PSD2: variants seen among roughly 807,000 people sequenced by gnomAD.
PSD2 encodes PH and SEC7 domain-containing protein 2.
In PSD2, 38 loss-of-function variants were observed where a neutral mutation model predicts 69.8. The ratio of observed to expected loss-of-function variants is 0.54; its 90% CI spans 0.42 to 0.71. The LOEUF (loss-of-function observed/expected upper bound fraction) is 0.71, where lower values mean the gene tolerates loss of function less well. PSD2 is among the 30% of genes least tolerant of loss of function. The pLI, the probability that PSD2 is intolerant of heterozygous loss-of-function variation, is 0.00. For synonymous variants in PSD2, 412 were observed against 423.0 expected, an observed-to-expected ratio of 0.97 and a Z score of 0.32; for missense variants, 943 against 1,014.5, an observed-to-expected ratio of 0.93 and a Z score of 0.96.
At chr5:139,781,634 CTT>C in the PSD2 span, among the ~76,000 whole-genome samples, 1 of 143,682 alleles carries the variant, frequency 7.0e-6, no homozygotes. Context: ...GGCGCCTGGC[CTT>C]TTTTTTTTTT....
At chr5:139,746,424 C>CT in the PSD2 span, among the ~76,000 whole-genome samples, 1 of 152,184 alleles carries the variant, frequency 6.6e-6, no homozygotes, top group East Asian at 1.9e-4. The surrounding 1 kb of genome is among the most constrained non-coding windows in gnomAD (Gnocchi z 4.5). Context: ...GAAGGCGGGG[C>CT]TGGGGGGTCA....
the PSD2 span, among the ~76,000 whole-genome samples, chr5:139,756,615 C>G: frequency 6.6e-6 from 1 of 152,122 alleles, no homozygotes; most frequent in Admixed American, 6.5e-5. Flanking sequence ...GGCGAGGAGG[C>G]AGGACTCAGC....
chr5:139,835,583 C>A, intron 8 of PSD2, 140 bp from the exon 9 acceptor site: 1 of 806,450 alleles, frequency 1.2e-6, no homozygotes, highest in Non-Finnish European at 2.2e-6. Flanking sequence ...ACCCATCCAG[C>A]AAATAAGTAT....
the PSD2 span, among the ~76,000 whole-genome samples, chr5:139,777,246 A>G: frequency 3.3e-5 from 5 of 152,222 alleles, no homozygotes; most frequent in Admixed American, 6.5e-5. Context: ...TTTTCTCAAT[A>G]CACAAAAAAA....
At chr5:139,826,282 C>A (rs1420864806) in intron 7 of PSD2, among the ~76,000 whole-genome samples, 2 of 152,126 alleles carry the variant, frequency 1.3e-5, no homozygotes, top group East Asian at 1.9e-4. Context: ...TGCCTGGGGG[C>A]CTGACAGGAG....
chr5:139,840,247 G>C, intron 14 of PSD2, 77 bp downstream of exon 14: 1 of 1,525,534 alleles, frequency 6.6e-7, no homozygotes, highest in Non-Finnish European at 9.0e-7. Context: ...TGTGGGACTG[G>C]GGAGGTGAAG....
chr5:139,812,188 A>T (rs1759985185), intron 2 of PSD2, among the ~76,000 whole-genome samples: 1 of 152,122 alleles, frequency 6.6e-6, no homozygotes, highest in African/African-American at 2.4e-5. Context: ...AACAATAAAT[A>T]CTTATATAGT....
the PSD2 span, among the ~76,000 whole-genome samples, chr5:139,788,179 G>GC: frequency 0.023 from 2,865 of 125,190 alleles, 49 homozygotes; most frequent in Non-Finnish European, 0.028. Flanking sequence ...CCCCCCCCGC[G>GC]CCCCCCCCCG....
chr5:139,754,744 G>T, the PSD2 span, among the ~76,000 whole-genome samples: 1 of 151,920 alleles, frequency 6.6e-6, no homozygotes, highest in African/African-American at 2.4e-5. Context: ...CAGTATGGTG[G>T]CACCCACCTG....
At chr5:139,780,632 C>T in the PSD2 span, among the ~76,000 whole-genome samples, 1 of 152,040 alleles carries the variant, frequency 6.6e-6, no homozygotes, top group Non-Finnish European at 1.5e-5. Flanking sequence ...TTAGTAAAGA[C>T]GGGGTTTCAC....
Position 139,813,631 on chromosome 5 carries a change from G to A in PSD2, c.694G>A (p.Glu232Lys), listed in dbSNP as rs1313366033. The A allele has an allele frequency of 1.2e-6, 2 of 1,613,938 alleles. No individual in the cohort carries two copies. Among genetic ancestry groups the A allele is most frequent in the Non-Finnish European group, 1.7e-6 (2 of 1,179,954 alleles). Residue 232 changes from glutamate to lysine, a missense_variant, in exon 3 of 15, where the codon GAG becomes AAG. Glu to Lys is a moderately conservative substitution (Grantham distance 56). This residue lies in a region of PSD2 where 466 missense variants were observed against 445.0 expected (regional missense o/e 1.05). Transcript: ENST00000274710. Reference protein sequence around the residue: ...LRRSISSSRSENVLSRLSLMA... With the variant: ...LRRSISSSRSKNVLSRLSLMA... ...GCGCTCCATCTCCAGCAGCCGCTCT[G>A]AGAATGTCCTGAGCCGCCTGTCTCT...
At chr5:139,830,009 T>G (rs1377401447) in intron 7 of PSD2, among the ~76,000 whole-genome samples, 2 of 137,810 alleles carry the variant, frequency 1.5e-5, no homozygotes, top group Non-Finnish European at 3.1e-5. Flanking sequence ...TCTTTTTTTT[T>G]GAAAAAAAAA....
intron 7 of PSD2, among the ~76,000 whole-genome samples, chr5:139,823,128 GC>G (rs1760315624): frequency 6.6e-6 from 1 of 152,170 alleles, no homozygotes; most frequent in African/African-American, 2.4e-5. Context: ...GCTCGGGGCA[GC>G]CCCTCCCAAA....
At chr5:139,831,157 C>A (rs959445699) in intron 7 of PSD2, among the ~76,000 whole-genome samples, 2 of 151,990 alleles carry the variant, frequency 1.3e-5, no homozygotes, top group African/African-American at 4.8e-5. Context: ...CAGATTGACC[C>A]TTTTATCACT....
rs1760074604 is a variant in PSD2 at position 139,814,698 on chromosome 5, G to T, written c.1016+334G>T. On this transcript the variant is annotated intron_variant, in intron 4 of 14. Coordinates refer to ENST00000274710, the MANE Select transcript of PSD2 (RefSeq NM_032289.4). This position sits in a 1 kb window ranked among gnomAD's most constrained non-coding sequence, Gnocchi z 4.4. The stretch of plus-strand genomic sequence containing the variant: ...GCAGGAGCTGGGCCCAGCTAATGGG[G>T]CCAGGGAGAAAGGAGAACCCGGGCC... Among the ~76,000 whole-genome samples the T allele has an allele frequency of 6.6e-6, 1 of 152,040 alleles. No individual in the cohort carries two copies. The highest frequency in any genetic ancestry group is 1.5e-5 in the Non-Finnish European group (1 of 67,988).
chr5:139,782,464 G>A, the PSD2 span, among the ~76,000 whole-genome samples: 1 of 147,834 alleles, frequency 6.8e-6, no homozygotes. Context: ...GATTACAGAT[G>A]TGAGCCACTG....
intron 7 of PSD2, among the ~76,000 whole-genome samples, chr5:139,824,664 A>T (rs1176121221): frequency 6.6e-6 from 1 of 152,160 alleles, no homozygotes; most frequent in African/African-American, 2.4e-5. Context: ...CTCCACACGA[A>T]GGCTGTGTGG....
chr5:139,796,506 C>G (rs576436072), intron 1 of PSD2, among the ~76,000 whole-genome samples: 51 of 152,342 alleles, frequency 3.3e-4, no homozygotes, highest in African/African-American at 1.2e-3. Context: ...CAGGCCTCCC[C>G]GGCTCTGCAG....
chr5:139,819,933 A>G (rs1022244028), intron 5 of PSD2, among the ~76,000 whole-genome samples: 11 of 152,206 alleles, frequency 7.2e-5, no homozygotes, highest in African/African-American at 1.4e-4. Context: ...CGCAGAAGGT[A>G]CTGGCTGCAA....
Sources: gnomAD v4.1 joint callset for allele counts (sites outside exome capture counted in the v4.1 genomes callset) on GRCh38, gnomAD v4.1.1 for gene constraint, gnomAD v4.1.1 regional missense constraint, Gnocchi (gnomAD v3.1) non-coding constraint, MANE v1.5 for transcripts, NCBI Gene and HGNC (gene_info 2026-07-23, HGNC 2026-07-21) for gene names.